ADORA2B: variants seen among roughly 807,000 people sequenced by gnomAD.
The protein encoded by ADORA2B is adenosine A2b receptor, also known as adenosine receptor A2b.
In ADORA2B, 18 loss-of-function variants were observed where a neutral mutation model predicts 20.8. The observed-to-expected ratio is 0.87, with a 90% CI of 0.60 to 1.29. The LOEUF (loss-of-function observed/expected upper bound fraction) is 1.29, where lower values mean the gene tolerates loss of function less well. Among genes scored for constraint, ADORA2B ranks in the 50% most tolerant of loss-of-function variants. ADORA2B has a pLI of 0.00. For missense variants in ADORA2B, 441 were observed against 422.7 expected (o/e 1.04, Z -0.38); for synonymous variants, 179 against 178.3 (o/e 1.00, Z -0.03).
the ADORA2B span, among the ~76,000 whole-genome samples, chr17:15,933,256 T>G: frequency 6.6e-6 from 1 of 152,108 alleles, no homozygotes; most frequent in Non-Finnish European, 1.5e-5. Context: ...CGCCTGGCCT[T>G]GTTTTTCTTT....
the ADORA2B span, among the ~76,000 whole-genome samples, chr17:15,939,136 G>A: frequency 6.6e-6 from 1 of 152,126 alleles, no homozygotes; most frequent in East Asian, 1.9e-4. Flanking sequence ...CAGCTCCCGA[G>A]TTCAAGCGAT....
chr17:15,975,463 A>T lies in ADORA2B; in HGVS notation c.*121A>T. The stretch of plus-strand genomic sequence containing the variant: ...AGGAAATGGACTGCCTCTCTTGAGC[A>T]CTTCCCTGGAGCTACCACGTATCTA... On this transcript the variant is annotated 3_prime_UTR_variant, in exon 2 of 2. Transcript: ENST00000304222. 1 of 1,010,344 alleles carries T rather than the reference A, an allele frequency of 9.9e-7. No homozygotes were observed. Among genetic ancestry groups the T allele is most frequent in the Admixed American group, 2.5e-5 (1 of 39,380 alleles). The allele number at this position is 1,010,344 out of a possible 1,614,324, so 62.6% of individuals were successfully genotyped here.
rs115165151 is a variant in ADORA2B at position 15,961,900 on chromosome 17, C to T, written c.336-12779C>T. ...GAGGCCAGAGCCCTCATGACCTGAT[C>T]GCCTCTTAAAGGTCACACCTCTCAG... is the stretch of plus-strand genomic sequence containing the variant. On this transcript the variant is annotated intron_variant, in intron 1 of 1. Transcript: ENST00000304222. Among the ~76,000 whole-genome samples the T allele has an allele frequency of 3.2e-3, 495 of 152,324 alleles. 4 individuals carry two copies. The highest frequency in any genetic ancestry group is 0.011 in the African/African-American group (454 of 41,564).
the ADORA2B span, among the ~76,000 whole-genome samples, chr17:15,932,226 G>T: frequency 6.6e-6 from 1 of 152,106 alleles, no homozygotes; most frequent in East Asian, 1.9e-4. Context: ...CGGGCATGGT[G>T]GCTCATGCCT....
the ADORA2B span, among the ~76,000 whole-genome samples, chr17:15,871,563 T>A: frequency 6.6e-6 from 1 of 152,152 alleles, no homozygotes; most frequent in Admixed American, 6.5e-5. Context: ...GGGCTCACGG[T>A]TCTGAAACTG....
intron 1 of ADORA2B, among the ~76,000 whole-genome samples, chr17:15,957,724 G>A (rs1969985745): frequency 6.6e-6 from 1 of 152,016 alleles, no homozygotes; most frequent in Non-Finnish European, 1.5e-5. Flanking sequence ...GGGAGCCCTG[G>A]ACCGTTCATT....
At chr17:15,966,546 G>C (rs896240927) in intron 1 of ADORA2B, among the ~76,000 whole-genome samples, 4 of 152,230 alleles carry the variant, frequency 2.6e-5, no homozygotes, top group African/African-American at 9.6e-5. Flanking sequence ...TGCTTGTTAT[G>C]CAGGCCTTGG....
chr17:15,922,318 C>T, the ADORA2B span, among the ~76,000 whole-genome samples: 1 of 152,150 alleles, frequency 6.6e-6, no homozygotes, highest in African/African-American at 2.4e-5. Flanking sequence ...TTATTCTGCA[C>T]CTGGCTTTTT....
the ADORA2B span, among the ~76,000 whole-genome samples, chr17:15,874,074 A>ATATATATGTATATATATGTATATG: frequency 1.4e-5 from 2 of 142,610 alleles, no homozygotes; most frequent in Non-Finnish European, 3.0e-5. Context: ...GTGTGTATAT[A>ATATATATGTATATATATGTATATG]TATATATGTA....
chr17:15,886,975 T>A, the ADORA2B span, among the ~76,000 whole-genome samples: 1 of 130,842 alleles, frequency 7.6e-6, no homozygotes, highest in Non-Finnish European at 1.6e-5. Flanking sequence ...GGCCCGTGCT[T>A]GCAAGGCAAC....
intron 1 of ADORA2B, among the ~76,000 whole-genome samples, chr17:15,970,001 A>G (rs960224552): frequency 1.3e-5 from 2 of 152,032 alleles, no homozygotes; most frequent in African/African-American, 2.4e-5. Context: ...CTCACTCCTC[A>G]ACCTTTAGCT....
the ADORA2B span, among the ~76,000 whole-genome samples, chr17:15,928,071 G>A: frequency 6.6e-6 from 1 of 152,242 alleles, no homozygotes; most frequent in Admixed American, 6.5e-5. Context: ...GCCTCCCAAA[G>A]TGCTGGGATT....
chr17:15,963,298 A>G (rs555863408), intron 1 of ADORA2B, among the ~76,000 whole-genome samples: 1 of 152,358 alleles, frequency 6.6e-6, no homozygotes, highest in East Asian at 1.9e-4. Flanking sequence ...AGATACTTAC[A>G]GTCCCCAAAC....
chr17:15,920,284 G>A, the ADORA2B span, among the ~76,000 whole-genome samples: 28 of 152,292 alleles, frequency 1.8e-4, no homozygotes, highest in African/African-American at 5.8e-4. Context: ...CACTATTCAG[G>A]TGATGGCTAT....
the ADORA2B span, among the ~76,000 whole-genome samples, chr17:15,910,543 CCCG>C: frequency 6.6e-6 from 1 of 152,318 alleles, no homozygotes; most frequent in East Asian, 1.9e-4. Flanking sequence ...AGGTGATTCA[CCCG>C]CCTCGGCCTC....
chr17:15,877,071 T>C, the ADORA2B span, among the ~76,000 whole-genome samples: 28 of 152,348 alleles, frequency 1.8e-4, no homozygotes, highest in African/African-American at 6.5e-4. Context: ...CATTATAGCA[T>C]GTCAGAATTT....
At chr17:15,863,130 A>G in the ADORA2B span, among the ~76,000 whole-genome samples, 1 of 152,126 alleles carries the variant, frequency 6.6e-6, no homozygotes, top group Non-Finnish European at 1.5e-5. Flanking sequence ...TAAAAACCAG[A>G]ATTAGTGCTA....
In ADORA2B at chr17:15,945,244, C is replaced by A; in HGVS notation, c.-5C>A. On this transcript the variant is annotated 5_prime_UTR_variant, in exon 1 of 2. Transcript: ENST00000304222. ...GGGGGCGCCCGGGGCCCAGCTGGCC[C>A]GGCCATGCTGCTGGAGACACAGGAC... 7.0e-7 allele frequency: 1 copy of A among 1,420,562 alleles called. No individual in the cohort carries two copies. Among genetic ancestry groups the A allele is most frequent in the East Asian group, 2.8e-5 (1 of 35,394 alleles). 88.0% of individuals were successfully genotyped at this position (1,420,562 alleles called of 1,614,324 possible). A position where few individuals can be genotyped will look rare whatever the true frequency, so the allele number is the denominator to read the frequency against.
the ADORA2B span, among the ~76,000 whole-genome samples, chr17:15,901,918 G>A: frequency 6.6e-6 from 1 of 152,092 alleles, no homozygotes; most frequent in Non-Finnish European, 1.5e-5. Context: ...TTAGTTTACA[G>A]TTCAGTGGTA....
Sources: allele counts gnomAD v4.1 joint callset (sites outside exome capture counted in the v4.1 genomes callset), GRCh38; gene constraint gnomAD v4.1.1; transcripts MANE v1.5; gene names NCBI Gene and HGNC (gene_info 2026-07-23, HGNC 2026-07-21).